Variants in MICU2 observed in about 807,000 individuals in gnomAD.
MICU2 encodes the protein mitochondrial calcium uptake 2.
In MICU2, 64 loss-of-function variants were observed where a neutral mutation model predicts 60.4. That is an observed-to-expected ratio of 1.06 (90% CI 0.87 to 1.31). MICU2 has a LOEUF of 1.31. Ranked by LOEUF, MICU2 falls within the 50% of genes most tolerant of loss-of-function variation. MICU2 has a pLI of 0.00. For synonymous variants in MICU2, 201 were observed against 175.0 expected (o/e 1.15, Z -1.17); for missense variants, 569 against 531.0 (o/e 1.07, Z -0.70).
intron 4 of MICU2, among the ~76,000 whole-genome samples, chr13:21,526,070 T>G (rs1886848402): frequency 6.6e-6 from 1 of 151,274 alleles, no homozygotes; most frequent in African/African-American, 2.4e-5. Flanking sequence ...CCTGAGTAGC[T>G]GGGACCACAG....
Position 21,496,142 on chromosome 13 carries a change from A to G in MICU2, c.952T>C (p.Phe318Leu), listed in dbSNP as rs1885991093. 1 of 1,613,442 alleles carries G rather than the reference A, an allele frequency of 6.2e-7. No homozygotes were observed. The highest frequency in any genetic ancestry group is 8.5e-7 in the Non-Finnish European group (1 of 1,179,558). Residue 318 changes from phenylalanine (F) to leucine (L), a missense_variant, in exon 10 of 12, where the codon TTC (phenylalanine) becomes CTC (leucine). By Grantham distance (22) the Phe-to-Leu change is conservative (BLOSUM62 0). Coordinates refer to ENST00000382374, the MANE Select transcript of MICU2 (RefSeq NM_152726.3). ...SAGESISLDE[F>L]KSFCHFTTHL... ...GTTGTAAAATGGCAAAATGACTTGA[A>G]TTCATCCAAACTAATGCTCTAATAA... is the stretch of plus-strand genomic sequence containing the variant.
intron 1 of MICU2, among the ~76,000 whole-genome samples, chr13:21,596,515 C>T (rs1171132977): frequency 2.6e-5 from 4 of 151,960 alleles, no homozygotes; most frequent in South Asian, 2.1e-4. Flanking sequence ...CCTCCGCCTC[C>T]GGGGTTCAAG....
chr13:21,499,403 G>C (rs199654901), intron 9 of MICU2, among the ~76,000 whole-genome samples: 1 of 151,790 alleles, frequency 6.6e-6, no homozygotes, highest in African/African-American at 2.4e-5. Context: ...CGTTCTCCAT[G>C]GGTCTCACAT....
intron 4 of MICU2, among the ~76,000 whole-genome samples, chr13:21,525,181 A>ATTTTTTTTTTTTTTT (rs71093324): frequency 2.4e-5 from 2 of 83,300 alleles, no homozygotes; most frequent in African/African-American, 5.2e-5. Context: ...GTGTAATTCA[A>ATTTTTTTTTTTTTTT]TTTTTTTTTT....
chr13:21,495,820 C>A (rs866878381), intron 10 of MICU2: 4 of 372,548 alleles, frequency 1.1e-5, no homozygotes, highest in South Asian at 1.1e-4. Context: ...AGGCATGAGC[C>A]ACCATGCCCG....
chr13:21,515,224 G>A (rs1434283865), intron 6 of MICU2, among the ~76,000 whole-genome samples: 3 of 151,910 alleles, frequency 2.0e-5, no homozygotes, highest in East Asian at 1.9e-4. Flanking sequence ...TGGGACTACA[G>A]GCACCCGCCA....
chr13:21,532,290 A>G (rs895455461), intron 4 of MICU2, among the ~76,000 whole-genome samples: 2 of 152,206 alleles, frequency 1.3e-5, no homozygotes, highest in Non-Finnish European at 2.9e-5. Context: ...ACCATTTGCT[A>G]TCTTCATACC....
chr13:21,570,129 T>C (rs913450089), intron 1 of MICU2, among the ~76,000 whole-genome samples: 4 of 152,200 alleles, frequency 2.6e-5, no homozygotes, highest in Non-Finnish European at 4.4e-5. Flanking sequence ...ATTACTTCTC[T>C]AGTTCAATCA....
At chr13:21,558,185 G>A (rs1020911767) in intron 2 of MICU2, among the ~76,000 whole-genome samples, 5 of 151,974 alleles carry the variant, frequency 3.3e-5, no homozygotes, top group East Asian at 1.9e-4. Context: ...GAAGACTATC[G>A]CCCCCCAGTG....
chr13:21,531,329 C>T (rs1487226684), intron 4 of MICU2: 2 of 1,553,878 alleles, frequency 1.3e-6, no homozygotes, highest in South Asian at 1.2e-5. Flanking sequence ...AGCAATAACA[C>T]CAACCCGAAA....
intron 7 of MICU2, among the ~76,000 whole-genome samples, chr13:21,511,272 A>G (rs1343898819): frequency 1.3e-5 from 2 of 152,200 alleles, no homozygotes; most frequent in African/African-American, 4.8e-5. Context: ...GAAGAGTATT[A>G]AGGAGAATAT....
intron 4 of MICU2, among the ~76,000 whole-genome samples, chr13:21,536,930 CCCTGAAATCA>C (rs1192270170): frequency 6.6e-6 from 1 of 152,164 alleles, no homozygotes; most frequent in African/African-American, 2.4e-5. Flanking sequence ...ACTCCCTGAA[CCCTGAAATCA>C]CCTGCAAGTG....
At chr13:21,572,944 A>C (rs948887470) in intron 1 of MICU2, among the ~76,000 whole-genome samples, 13 of 8,588 alleles carry the variant, frequency 1.5e-3, no homozygotes, top group Non-Finnish European at 3.5e-3. Context: ...TAAATAATAC[A>C]AAAAAAAAAT....
intron 5 of MICU2, among the ~76,000 whole-genome samples, chr13:21,522,222 T>C (rs1886735742): frequency 6.6e-6 from 1 of 152,278 alleles, no homozygotes; most frequent in South Asian, 2.1e-4. Flanking sequence ...TATTTAGCTG[T>C]CATGTCTCCT....
chr13:21,527,603 C>G (rs1886889111), intron 4 of MICU2, among the ~76,000 whole-genome samples: 2 of 152,160 alleles, frequency 1.3e-5, no homozygotes, highest in African/African-American at 4.8e-5. Flanking sequence ...AAAACTGACA[C>G]ACGAGAATAT....
chr13:21,525,913 CTTATTTATTTATTTATTTAT>C (rs60527711), intron 4 of MICU2, among the ~76,000 whole-genome samples: 2 of 144,238 alleles, frequency 1.4e-5, no homozygotes, highest in African/African-American at 2.6e-5. Flanking sequence ...GTGATGTAGT[CTTATTTATTTATTTATTTAT>C]TTATTTATTT....
chr13:21,585,291 C>T (rs1056506371), intron 1 of MICU2, among the ~76,000 whole-genome samples: 3 of 152,202 alleles, frequency 2.0e-5, no homozygotes, highest in African/African-American at 7.2e-5. Context: ...TTACCTGAGG[C>T]AGTAAAGTAT....
At chr13:21,520,063 G>GT (rs1886678981) in intron 6 of MICU2, among the ~76,000 whole-genome samples, 1 of 152,132 alleles carries the variant, frequency 6.6e-6, no homozygotes, top group Non-Finnish European at 1.5e-5. Flanking sequence ...CTTTTAGTAG[G>GT]TAAGTCCCCT....
intron 4 of MICU2, among the ~76,000 whole-genome samples, chr13:21,535,045 C>T (rs75658925): frequency 0.027 from 4,132 of 152,128 alleles, 75 homozygotes; most frequent in African/African-American, 0.031. Context: ...TTCAGAAGCA[C>T]GGTATGCTTC....
Sources: gnomAD v4.1 joint callset for allele counts (sites outside exome capture counted in the v4.1 genomes callset) on GRCh38, gnomAD v4.1.1 for gene constraint, MANE v1.5 for transcripts, NCBI Gene and HGNC (gene_info 2026-07-23, HGNC 2026-07-21) for gene names.